PRR16: variants seen among roughly 807,000 people sequenced by gnomAD.
The protein encoded by PRR16 is protein Largen.
Under a neutral mutation model 18.2 loss-of-function variants are expected in PRR16, and 6 were observed. That is an observed-to-expected ratio of 0.33 (90% CI 0.18 to 0.65). PRR16 has a LOEUF of 0.65. Among genes scored for constraint, PRR16 ranks in the 30% least tolerant of loss-of-function variants. PRR16 has a pLI of 0.74. For missense variants in PRR16, 412 were observed against 376.6 expected, an observed-to-expected ratio of 1.09 and a Z score of -0.78; for synonymous variants, 151 against 147.8, an observed-to-expected ratio of 1.02 and a Z score of -0.16.
At chr5:120,467,303 A>G (rs1451620041) in intron 1 of PRR16, among the ~76,000 whole-genome samples, 1 of 152,194 alleles carries the variant, frequency 6.6e-6, no homozygotes, top group African/African-American at 2.4e-5. Context: ...ATATTTTAAT[A>G]TAAATTATCG....
intron 1 of PRR16, among the ~76,000 whole-genome samples, chr5:120,641,838 T>C (rs1755433567): frequency 6.6e-6 from 1 of 152,108 alleles, no homozygotes; most frequent in African/African-American, 2.4e-5. Context: ...TTGGCATCTT[T>C]TGCATGTAGA....
At chr5:120,471,752 A>G (rs1749274993) in intron 1 of PRR16, among the ~76,000 whole-genome samples, 2 of 152,102 alleles carry the variant, frequency 1.3e-5, no homozygotes, top group African/African-American at 4.8e-5. Context: ...CTCTGAATTA[A>G]ATTTCCCACA....
the PRR16 span, among the ~76,000 whole-genome samples, chr5:120,745,326 T>C: frequency 1.3e-5 from 2 of 152,184 alleles, no homozygotes; most frequent in Admixed American, 6.5e-5. Context: ...TTTACTCCCA[T>C]CCAGAAAACC....
chr5:120,665,423 T>C (rs1339377232), intron 1 of PRR16, among the ~76,000 whole-genome samples: 1 of 152,016 alleles, frequency 6.6e-6, no homozygotes, highest in Non-Finnish European at 1.5e-5. Flanking sequence ...TTCACTCTGA[T>C]GGTAGTTTCT....
the PRR16 span, among the ~76,000 whole-genome samples, chr5:120,723,243 G>A: frequency 6.6e-6 from 1 of 151,870 alleles, no homozygotes; most frequent in Non-Finnish European, 1.5e-5. Flanking sequence ...TTGATTACAT[G>A]ATAGTGGCTA....
chr5:120,509,402 G>C (rs1006563289), intron 1 of PRR16, among the ~76,000 whole-genome samples: 2 of 152,020 alleles, frequency 1.3e-5, no homozygotes, highest in Non-Finnish European at 2.9e-5. Flanking sequence ...CAATCCTTTG[G>C]GGCTACTGAG....
At chr5:120,624,385 T>C (rs1339201511) in intron 1 of PRR16, among the ~76,000 whole-genome samples, 1 of 152,164 alleles carries the variant, frequency 6.6e-6, no homozygotes, top group Non-Finnish European at 1.5e-5. Context: ...AGTATTGGTA[T>C]GGTATGTATG....
At chr5:120,727,404 A>G in the PRR16 span, among the ~76,000 whole-genome samples, 1 of 152,086 alleles carries the variant, frequency 6.6e-6, no homozygotes, top group African/African-American at 2.4e-5. Flanking sequence ...GTATGTTCAC[A>G]TAACTCCATA....
At chr5:120,707,180 G>A in the PRR16 span, among the ~76,000 whole-genome samples, 1 of 152,148 alleles carries the variant, frequency 6.6e-6, no homozygotes, top group Non-Finnish European at 1.5e-5. Context: ...AGGGCTTAGG[G>A]GGCTATGAAG....
intron 1 of PRR16, among the ~76,000 whole-genome samples, chr5:120,523,873 A>G (rs538669828): frequency 5.9e-5 from 9 of 152,292 alleles, no homozygotes; most frequent in African/African-American, 2.2e-4. Flanking sequence ...TGGGGCAAAG[A>G]AGAAATAGAT....
chr5:120,570,815 T>C (rs2112734962), intron 1 of PRR16, among the ~76,000 whole-genome samples: 1 of 152,258 alleles, frequency 6.6e-6, no homozygotes, highest in South Asian at 2.1e-4. Context: ...TGATAGACTT[T>C]CTGTAAATTT....
the PRR16 span, among the ~76,000 whole-genome samples, chr5:120,714,053 A>C: frequency 6.6e-6 from 1 of 152,058 alleles, no homozygotes; most frequent in Non-Finnish European, 1.5e-5. Context: ...ATAAGGAAAA[A>C]TTCTGTAATG....
intron 1 of PRR16, among the ~76,000 whole-genome samples, chr5:120,500,344 C>A (rs147633115): frequency 6.6e-6 from 1 of 152,040 alleles, no homozygotes; most frequent in Admixed American, 6.5e-5. Context: ...TCTTGAAGTC[C>A]CTAGCTTGTC....
chr5:120,698,513 G>GGCAGTT, the PRR16 span, among the ~76,000 whole-genome samples: 1 of 84,394 alleles, frequency 1.2e-5, no homozygotes, highest in Non-Finnish European at 2.8e-5. Flanking sequence ...GAGAAACAGT[G>GGCAGTT]TAAACAAGAG....
At chr5:120,761,945 C>A in the PRR16 span, among the ~76,000 whole-genome samples, 1 of 152,018 alleles carries the variant, frequency 6.6e-6, no homozygotes, top group African/African-American at 2.4e-5. Flanking sequence ...ACATTTTTAC[C>A]TCCCATATAT....
chr5:120,516,438 A>G lies in PRR16; in HGVS notation c.159+51793A>G, dbSNP rs1450193141. ...GATTATGTCTCAAAAAAAAAAAAAA[A>G]AAAAAAAAGCAAGATGTCTTGTGAT... On this transcript the variant is annotated intron_variant, in intron 1 of 1. Coordinates refer to ENST00000407149, the MANE Select transcript of PRR16 (RefSeq NM_001300783.2). Among the ~76,000 whole-genome samples the G allele has an allele frequency of 5.3e-5, 7 of 132,156 alleles. No individual in the cohort carries two copies. In the South Asian group the frequency reaches 1.5e-3, roughly 29 times the overall value. 86.7% of individuals were successfully genotyped at this position (132,156 alleles called of 152,430 possible).
At chr5:120,640,899 G>A (rs1474216157) in intron 1 of PRR16, among the ~76,000 whole-genome samples, 2 of 152,118 alleles carry the variant, frequency 1.3e-5, no homozygotes, top group African/African-American at 4.8e-5. Context: ...TCTGTGACTT[G>A]GCAGTCTGTG....
chr5:120,627,316 A>G (rs2112832321), intron 1 of PRR16, among the ~76,000 whole-genome samples: 1 of 152,266 alleles, frequency 6.6e-6, no homozygotes, highest in Non-Finnish European at 1.5e-5. Context: ...TGCTCAAATT[A>G]GTAGATACTT....
intron 1 of PRR16, among the ~76,000 whole-genome samples, chr5:120,632,705 A>G (rs532693336): frequency 2.6e-5 from 4 of 152,304 alleles, no homozygotes; most frequent in African/African-American, 9.6e-5. Context: ...AAAAAGATGA[A>G]CAAAGCCTCC....
Sources: allele counts gnomAD v4.1 joint callset (sites outside exome capture counted in the v4.1 genomes callset), GRCh38; gene constraint gnomAD v4.1.1; transcripts MANE v1.5; gene names NCBI Gene and HGNC (gene_info 2026-07-23, HGNC 2026-07-21).